TTC1: variants seen among roughly 807,000 people sequenced by gnomAD.
The protein encoded by TTC1 is tetratricopeptide repeat protein 1.
Under a neutral mutation model 37.6 loss-of-function variants are expected in TTC1, and 31 were observed. The ratio of observed to expected loss-of-function variants is 0.82; its 90% CI spans 0.62 to 1.11. The LOEUF (loss-of-function observed/expected upper bound fraction) is 1.11. Among genes scored for constraint, TTC1 ranks in the 50% most tolerant of loss-of-function variants. The pLI, the probability that TTC1 is intolerant of heterozygous loss-of-function variation, is 0.00. For synonymous variants in TTC1, 127 were observed against 122.4 expected, an observed-to-expected ratio of 1.04 and a Z score of -0.25; for missense variants, 351 against 339.0, an observed-to-expected ratio of 1.04 and a Z score of -0.28.
chr5:160,028,798 G>A (rs377225301), intron 2 of TTC1, among the ~76,000 whole-genome samples: 5 of 152,014 alleles, frequency 3.3e-5, no homozygotes, highest in East Asian at 1.9e-4. Flanking sequence ...GTTGGCTTTA[G>A]GGAAAAGGAT....
intron 4 of TTC1, among the ~76,000 whole-genome samples, chr5:160,040,999 C>T (rs1021310925): frequency 3.3e-5 from 5 of 151,138 alleles, no homozygotes; most frequent in African/African-American, 1.2e-4. Flanking sequence ...GATGCAAATA[C>T]ACACAGTAGC....
chr5:160,022,575 G>A (rs908211498), intron 2 of TTC1, among the ~76,000 whole-genome samples: 2 of 152,118 alleles, frequency 1.3e-5, no homozygotes, highest in African/African-American at 4.8e-5. Context: ...ATGGAATCAG[G>A]CATCTAATAT....
rs1400661430 is a variant in TTC1 at position 160,010,843 on chromosome 5, G to A, written c.315G>A (p.Ser105=). The A allele has an allele frequency of 1.5e-5, 24 of 1,611,642 alleles. No homozygotes were observed. Among genetic ancestry groups the A allele is most frequent in the Non-Finnish European group, 2.0e-5 (24 of 1,178,556 alleles). The change falls in exon 2 of 8, where the codon TCG becomes TCA. Residue 105 remains serine, a synonymous_variant. Coordinates refer to ENST00000231238, the MANE Select transcript of TTC1 (RefSeq NM_003314.3). ...TAATAGAACTGGAAAAAAACATGTC[G>A]GATGAAGAGAAACAGGTAAGTATTT... ...EYLIELEKNM[S]DEEKQKRREE...
chr5:160,010,778 A>G lies in TTC1; in HGVS notation c.250A>G (p.Asn84Asp). 2 of 1,614,238 alleles carry G rather than the reference A, an allele frequency of 1.2e-6. No individual in the cohort carries two copies. Among genetic ancestry groups the G allele is most frequent in the Non-Finnish European group, 1.7e-6 (2 of 1,180,046 alleles). Residue 84 changes from asparagine (N) to aspartate (D), a missense_variant, in exon 2 of 8, where the codon AAT (asparagine) becomes GAT (aspartate). Coordinates refer to ENST00000231238, the MANE Select transcript of TTC1 (RefSeq NM_003314.3). ...PGADKVENKS[N>D]EDVNSSELDE... is the part of the protein sequence containing the mutation. ...AGCGGACAAGGTTGAGAACAAATCT[A>G]ATGAAGATGTGAATTCCTCTGAACT...
Position 160,065,094 on chromosome 5 carries a change from C to T in TTC1, c.*29C>T. On this transcript the variant is annotated 3_prime_UTR_variant, in exon 8 of 8. Coordinates refer to ENST00000231238, the MANE Select transcript of TTC1 (RefSeq NM_003314.3). Reference sequence around the variant, plus strand: ...AGATAACAAAAGCTTTACAAGCTGACTTGGAATTGTGTGCTGCTTGCTGTT... The same window carrying T: ...AGATAACAAAAGCTTTACAAGCTGATTTGGAATTGTGTGCTGCTTGCTGTT... 2 of 1,602,048 alleles carry T rather than the reference C, an allele frequency of 1.2e-6. No individual in the cohort carries two copies. Among genetic ancestry groups the T allele is most frequent in the South Asian group, 1.1e-5 (1 of 88,522 alleles).
intron 2 of TTC1, among the ~76,000 whole-genome samples, chr5:160,023,459 T>C (rs996882050): frequency 1.6e-4 from 24 of 152,036 alleles, no homozygotes; most frequent in African/African-American, 4.8e-4. Flanking sequence ...GCCCAGCTAA[T>C]TTTTTTTATT....
At chr5:160,011,481 C>T (rs1212284426) in intron 2 of TTC1, among the ~76,000 whole-genome samples, 2 of 152,168 alleles carry the variant, frequency 1.3e-5, no homozygotes, top group Admixed American at 6.5e-5. Context: ...AAGGAAACAG[C>T]TTAGAGGGAT....
chr5:160,028,081 C>A (rs189635236), intron 2 of TTC1, among the ~76,000 whole-genome samples: 2 of 152,162 alleles, frequency 1.3e-5, no homozygotes, highest in Admixed American at 1.3e-4. Context: ...GAGTGGATCA[C>A]GAGGTCAGGA....
intron 3 of TTC1, 95 bp from the exon 4 acceptor site, chr5:160,036,596 C>T: frequency 1.2e-6 from 1 of 824,656 alleles, no homozygotes; most frequent in Non-Finnish European, 2.0e-6. Context: ...AACCTTCATC[C>T]TATGAATGGA....
intron 7 of TTC1, among the ~76,000 whole-genome samples, chr5:160,052,560 A>C (rs1757430993): frequency 6.6e-6 from 1 of 151,180 alleles, no homozygotes; most frequent in Non-Finnish European, 1.5e-5. Context: ...AAAAAAAAAA[A>C]AAAAAAAAAA....
chr5:160,045,558 T>TCTCTCC (rs1359973493), intron 5 of TTC1, among the ~76,000 whole-genome samples: 1 of 63,594 alleles, frequency 1.6e-5, no homozygotes, highest in African/African-American at 6.3e-5. Flanking sequence ...TCTCTCCCCC[T>TCTCTCC]CCCCTCTCTC....
chr5:160,062,323 A>G (rs1419858559), intron 7 of TTC1, among the ~76,000 whole-genome samples: 1 of 152,186 alleles, frequency 6.6e-6, no homozygotes, highest in East Asian at 1.9e-4. Flanking sequence ...CCTAAAGCCA[A>G]GCCATTGCTG....
intron 2 of TTC1, among the ~76,000 whole-genome samples, chr5:160,026,883 T>A (rs2113357913): frequency 6.6e-6 from 1 of 152,340 alleles, no homozygotes; most frequent in East Asian, 1.9e-4. Flanking sequence ...TCTTTTTGTA[T>A]TAGATAATAT....
chr5:160,045,518 ACACTCT>A (rs1561634928), intron 5 of TTC1, among the ~76,000 whole-genome samples: 54 of 65,732 alleles, frequency 8.2e-4, no homozygotes, highest in Non-Finnish European at 1.0e-3. Context: ...ACACACATAC[ACACTCT>A]CTCTCTCTCT....
At chr5:160,031,598 A>G (rs998345388) in intron 2 of TTC1, among the ~76,000 whole-genome samples, 2 of 152,216 alleles carry the variant, frequency 1.3e-5, no homozygotes, top group Non-Finnish European at 2.9e-5. Context: ...TGGGTGATGG[A>G]GTGAGACTCT....
intron 2 of TTC1, among the ~76,000 whole-genome samples, chr5:160,017,375 A>G (rs1159195183): frequency 1.3e-5 from 2 of 152,168 alleles, no homozygotes; most frequent in Admixed American, 6.5e-5. Context: ...AGATGGCACC[A>G]TTTGTGTCCC....
chr5:160,059,886 A>G (rs1472969758), intron 7 of TTC1, among the ~76,000 whole-genome samples: 1 of 152,238 alleles, frequency 6.6e-6, no homozygotes, highest in Non-Finnish European at 1.5e-5. Context: ...TGCTATTGGA[A>G]AAATTGTGCT....
intron 7 of TTC1, among the ~76,000 whole-genome samples, chr5:160,058,594 G>A (rs1007286142): frequency 1.3e-5 from 2 of 151,780 alleles, no homozygotes; most frequent in Non-Finnish European, 2.9e-5. Context: ...GTATTTTTTA[G>A]TAGAGACAGG....
At chr5:160,051,030 C>T in intron 6 of TTC1, 99 bp from the exon 7 acceptor site, 2 of 894,348 alleles carry the variant, frequency 2.2e-6, no homozygotes, top group South Asian at 1.8e-5. Context: ...GATCTTATTT[C>T]CACATTAGGA....
Sources: allele counts gnomAD v4.1 joint callset (sites outside exome capture counted in the v4.1 genomes callset), GRCh38; gene constraint gnomAD v4.1.1; transcripts MANE v1.5; gene names NCBI Gene and HGNC (gene_info 2026-07-23, HGNC 2026-07-21).